The following LHFPL3 variants were observed in gnomAD, a reference collection of about 807,000 sequenced individuals.
LHFPL3 encodes LHFPL tetraspan subfamily member 3 protein.
In LHFPL3, 5 loss-of-function variants were observed where a neutral mutation model predicts 19.3. That is an observed-to-expected ratio of 0.26 (90% CI 0.14 to 0.54). The LOEUF is 0.54. LHFPL3 is among the 20% of genes least tolerant of loss of function. The probability of loss-of-function intolerance (pLI) is 0.94; values close to 1 mark genes in which losing one functional copy is unlikely to be tolerated. For synonymous variants in LHFPL3, 133 were observed against 126.2 expected, an observed-to-expected ratio of 1.05 and a Z score of -0.36; for missense variants, 249 against 307.4, an observed-to-expected ratio of 0.81 and a Z score of 1.42.
chr7:104,887,978 T>C (rs979758226), intron 2 of LHFPL3, among the ~76,000 whole-genome samples: 6 of 152,166 alleles, frequency 3.9e-5, no homozygotes, highest in Admixed American at 3.3e-4. Flanking sequence ...GAGAAGCAGA[T>C]CTTGTATACC....
chr7:104,797,295 C>A (rs1297393695), intron 2 of LHFPL3, among the ~76,000 whole-genome samples: 1 of 152,174 alleles, frequency 6.6e-6, no homozygotes, highest in African/African-American at 2.4e-5. Flanking sequence ...TAGGATTGTA[C>A]CTCCTGGCTC....
chr7:104,705,084 A>G (rs532194762), intron 1 of LHFPL3, among the ~76,000 whole-genome samples: 8 of 152,208 alleles, frequency 5.3e-5, no homozygotes, highest in African/African-American at 1.4e-4. Context: ...GTCATTTTCT[A>G]TGTGGGAACT....
At chr7:104,556,032 C>T (rs947938691) in intron 1 of LHFPL3, among the ~76,000 whole-genome samples, 1 of 152,224 alleles carries the variant, frequency 6.6e-6, no homozygotes, top group Non-Finnish European at 1.5e-5. Context: ...AAGAGGTGGG[C>T]TCCCATGGCC....
chr7:104,817,690 T>C (rs1305206499), intron 2 of LHFPL3, among the ~76,000 whole-genome samples: 5 of 152,072 alleles, frequency 3.3e-5, no homozygotes, highest in Non-Finnish European at 7.4e-5. Context: ...CAATTCTAGG[T>C]ACAGGACCAC....
At chr7:104,538,499 C>G (rs1794428491) in intron 1 of LHFPL3, among the ~76,000 whole-genome samples, 1 of 152,164 alleles carries the variant, frequency 6.6e-6, no homozygotes, top group African/African-American at 2.4e-5. Context: ...CAAATATCGT[C>G]TGAAAGGTAT....
chr7:104,696,008 T>C (rs887307131), intron 1 of LHFPL3, among the ~76,000 whole-genome samples: 1 of 152,224 alleles, frequency 6.6e-6, no homozygotes, highest in Non-Finnish European at 1.5e-5. Flanking sequence ...TGGAGTGCAG[T>C]GGCACGATCT....
At chr7:104,570,932 A>G (rs1043555802) in intron 1 of LHFPL3, among the ~76,000 whole-genome samples, 1 of 152,146 alleles carries the variant, frequency 6.6e-6, no homozygotes, top group Non-Finnish European at 1.5e-5. Context: ...TCTAATAATC[A>G]TTCTGGAATA....
In LHFPL3 at chr7:104,512,434, T is replaced by A. The variant is rs117147816; in HGVS notation, c.445+183210T>A. 2.1e-4 allele frequency among the ~76,000 whole-genome samples: 32 copies of A among 152,180 alleles called. 2 individuals carry two copies. In the East Asian group the frequency reaches 6.2e-3, roughly 30 times the overall value. On this transcript the variant is annotated intron_variant, in intron 1 of 2. Coordinates refer to ENST00000424859, the MANE Select transcript of LHFPL3 (RefSeq NM_199000.3). ...AGCTTTTCATCTAGCAGGCTCTATG[T>A]TGCTGTGATTAAAGTGGGACACATG...
At chr7:104,519,386 T>C (rs1793998948) in intron 1 of LHFPL3, among the ~76,000 whole-genome samples, 1 of 152,118 alleles carries the variant, frequency 6.6e-6, no homozygotes, top group South Asian at 2.1e-4. Context: ...TCAAATAGAA[T>C]TTTGGTCAAA....
At chr7:104,808,085 AGT>A (rs1245167606) in intron 2 of LHFPL3, among the ~76,000 whole-genome samples, 2 of 152,156 alleles carry the variant, frequency 1.3e-5, no homozygotes, top group African/African-American at 2.4e-5. Context: ...TTTAAGTAAC[AGT>A]ATTTGACTCT....
At chr7:104,823,151 T>C (rs1790709567) in intron 2 of LHFPL3, among the ~76,000 whole-genome samples, 1 of 152,176 alleles carries the variant, frequency 6.6e-6, no homozygotes. Flanking sequence ...TGGAGAATGT[T>C]ATCAATAGCT....
At chr7:104,650,544 A>G (rs1041717266) in intron 1 of LHFPL3, among the ~76,000 whole-genome samples, 1 of 152,264 alleles carries the variant, frequency 6.6e-6, no homozygotes, top group Non-Finnish European at 1.5e-5. Context: ...TGCATGAGCA[A>G]AATTAAATTA....
intron 1 of LHFPL3, among the ~76,000 whole-genome samples, chr7:104,439,690 TACTC>T (rs1222978223): frequency 6.6e-6 from 1 of 152,116 alleles, no homozygotes; most frequent in Non-Finnish European, 1.5e-5. Flanking sequence ...AAAGTGAACT[TACTC>T]AATTTGGTAA....
chr7:104,664,097 T>A (rs1292582888), intron 1 of LHFPL3, among the ~76,000 whole-genome samples: 3 of 152,222 alleles, frequency 2.0e-5, no homozygotes, highest in Non-Finnish European at 4.4e-5. Flanking sequence ...TCTTGCCTGA[T>A]AATATTGCAA....
At chr7:104,667,775 T>A in intron 1 of LHFPL3, 1 of 1,592,948 alleles carries the variant, frequency 6.3e-7, no homozygotes, top group Non-Finnish European at 8.6e-7. Flanking sequence ...AAAAGAAGAA[T>A]AAGAAGGGGA....
chr7:104,516,767 C>A (rs181405923), intron 1 of LHFPL3, among the ~76,000 whole-genome samples: 2 of 152,128 alleles, frequency 1.3e-5, no homozygotes, highest in African/African-American at 4.8e-5. Flanking sequence ...AACAGAACTA[C>A]CATTAGACCC....
rs1794497501 is a variant in LHFPL3, at chr7:104,768,461, CCA to C, written c.682+31556_682+31557del. Among the ~76,000 whole-genome samples, 12 of 152,162 alleles carry C rather than the reference CCA, an allele frequency of 7.9e-5. No homozygotes were observed. In the South Asian group the frequency reaches 2.5e-3, roughly 32 times the overall value. On this transcript the variant is annotated intron_variant, in intron 2 of 2. Coordinates refer to ENST00000424859, the MANE Select transcript of LHFPL3 (RefSeq NM_199000.3). ...GTTGGGCTTGAGCCTGCCCTGTCAC[CCA>C]CACACCTAGGGGTGCTGTGTGACTA... is the stretch of plus-strand genomic sequence containing the variant.
intron 1 of LHFPL3, among the ~76,000 whole-genome samples, chr7:104,382,526 T>A (rs989742398): frequency 6.6e-6 from 1 of 152,138 alleles, no homozygotes; most frequent in African/African-American, 2.4e-5. Flanking sequence ...TGGGGAGGCT[T>A]GCAAGTCGTT....
intron 1 of LHFPL3, among the ~76,000 whole-genome samples, chr7:104,506,937 C>T (rs1012102056): frequency 2.0e-5 from 3 of 152,134 alleles, no homozygotes; most frequent in African/African-American, 7.2e-5. Context: ...ATATAAGTAG[C>T]TGACTAATTC....
Sources: allele counts gnomAD v4.1 joint callset (sites outside exome capture counted in the v4.1 genomes callset), GRCh38; gene constraint gnomAD v4.1.1; transcripts MANE v1.5; gene names NCBI Gene and HGNC (gene_info 2026-07-23, HGNC 2026-07-21).